Variants in CNTN6 observed in about 807,000 individuals in gnomAD.
The protein encoded by CNTN6 is contactin-6.
In CNTN6, 137 loss-of-function variants were observed where a neutral mutation model predicts 122.8. That is an observed-to-expected ratio of 1.12 (90% CI 0.97 to 1.29). CNTN6 has a LOEUF of 1.29. Among genes scored for constraint, CNTN6 ranks in the 50% most tolerant of loss-of-function variants. CNTN6 has a pLI of 0.00. For synonymous variants in CNTN6, 570 were observed against 426.0 expected (o/e 1.34, Z -4.16); for missense variants, 1,634 against 1,223.4 (o/e 1.34, Z -5.01).
chr3:1,277,380 G>A (rs1238747076), intron 4 of CNTN6, among the ~76,000 whole-genome samples: 1 of 36,612 alleles, frequency 2.7e-5, no homozygotes, highest in East Asian at 1.2e-3. Context: ...TTTTTTTTGA[G>A]ACCGATTCTG....
intron 2 of CNTN6, among the ~76,000 whole-genome samples, chr3:1,191,907 CT>C (rs1301806685): frequency 6.6e-6 from 1 of 152,162 alleles, no homozygotes; most frequent in Admixed American, 6.5e-5. Flanking sequence ...AGAATAACAG[CT>C]TTCTTTTACT....
chr3:1,340,494 C>T (rs774164801), intron 11 of CNTN6, among the ~76,000 whole-genome samples: 1 of 152,120 alleles, frequency 6.6e-6, no homozygotes, highest in Admixed American at 6.6e-5. Flanking sequence ...TTTAACGTAA[C>T]ATACAATGTA....
intron 5 of CNTN6, among the ~76,000 whole-genome samples, chr3:1,292,926 C>T (rs1695569054): frequency 6.6e-6 from 1 of 151,894 alleles, no homozygotes; most frequent in South Asian, 2.1e-4. Flanking sequence ...CACAAAGTTC[C>T]CACACTCATA....
chr3:1,174,815 C>G (rs1255379790), intron 2 of CNTN6, among the ~76,000 whole-genome samples: 1 of 152,186 alleles, frequency 6.6e-6, no homozygotes, highest in African/African-American at 2.4e-5. Context: ...CTGAACAAAG[C>G]TGACATTGCC....
At chr3:1,344,148 G>A (rs1226528354) in intron 11 of CNTN6, among the ~76,000 whole-genome samples, 3 of 152,088 alleles carry the variant, frequency 2.0e-5, no homozygotes, top group Non-Finnish European at 4.4e-5. Flanking sequence ...AGTGACTGGA[G>A]AAGGATGTGA....
At chr3:1,327,196 A>G (rs1183765883) in intron 9 of CNTN6, among the ~76,000 whole-genome samples, 1 of 151,906 alleles carries the variant, frequency 6.6e-6, no homozygotes, top group Non-Finnish European at 1.5e-5. Flanking sequence ...CAAATAACAG[A>G]AAGTTAACAT....
intron 12 of CNTN6, among the ~76,000 whole-genome samples, chr3:1,371,914 T>C (rs80238431): frequency 0.035 from 5,277 of 152,284 alleles, 123 homozygotes; most frequent in South Asian, 0.054. Flanking sequence ...TGTCTCATGG[T>C]ATATGAAGTT....
intron 2 of CNTN6, among the ~76,000 whole-genome samples, chr3:1,154,901 G>A (rs541437771): frequency 5.8e-4 from 89 of 152,214 alleles, no homozygotes; most frequent in Non-Finnish European, 5.9e-4. Context: ...TTGCATTAGA[G>A]TCACATTTTT....
chr3:1,329,985 T>C, intron 11 of CNTN6, 50 bp downstream of exon 11: 1 of 1,397,982 alleles, frequency 7.2e-7, no homozygotes, highest in Non-Finnish European at 9.4e-7. Context: ...ATATAACATC[T>C]TCCAAATTTT....
At chr3:1,374,869 T>C (rs1463125354) in intron 16 of CNTN6, among the ~76,000 whole-genome samples, 2 of 152,084 alleles carry the variant, frequency 1.3e-5, no homozygotes, top group Admixed American at 6.6e-5. Context: ...TATATGTTTA[T>C]CATAGAATTG....
intron 1 of CNTN6, among the ~76,000 whole-genome samples, chr3:1,115,001 T>G (rs963493315): frequency 3.9e-5 from 6 of 152,138 alleles, no homozygotes; most frequent in Non-Finnish European, 7.4e-5. Flanking sequence ...GACCTTCTTT[T>G]TCTCTCAACC....
chr3:1,157,653 C>A (rs760906043), intron 2 of CNTN6, among the ~76,000 whole-genome samples: 1 of 152,246 alleles, frequency 6.6e-6, no homozygotes, highest in Non-Finnish European at 1.5e-5. Context: ...CCCGCCGTCC[C>A]AGTTTCCTTC....
intron 4 of CNTN6, among the ~76,000 whole-genome samples, chr3:1,243,840 G>A: frequency 6.6e-6 from 1 of 152,060 alleles, no homozygotes; most frequent in East Asian, 1.9e-4. Flanking sequence ...AGCTTGGGGA[G>A]GACGGGAAAG....
chr3:1,273,877 CAGT>C (rs1393752499), intron 4 of CNTN6, among the ~76,000 whole-genome samples: 3 of 152,156 alleles, frequency 2.0e-5, no homozygotes, highest in Non-Finnish European at 4.4e-5. Flanking sequence ...TTCTTATCAG[CAGT>C]GTCTTATAAT....
intron 3 of CNTN6, among the ~76,000 whole-genome samples, chr3:1,226,235 A>T (rs1575317075): frequency 6.6e-6 from 1 of 152,116 alleles, no homozygotes; most frequent in East Asian, 1.9e-4. Flanking sequence ...CTCCCACCAA[A>T]ATATTTTTAA....
rs756162451 is a variant in CNTN6 at position 1,401,429 on chromosome 3, A to C, written c.2705-4A>C. 6.2e-7 allele frequency: 1 copy of C among 1,609,706 alleles called. No individual in the cohort carries two copies. The highest frequency in any genetic ancestry group is 1.1e-5 in the South Asian group (1 of 90,856). The stretch of plus-strand genomic sequence containing the variant: ...CATTTGGATCTTTGATTATCTCTTT[A>C]AAGCTCCAAGCCAACCACCAGCAAA... On this transcript the variant is annotated splice_region_variant and splice_polypyrimidine_tract_variant and intron_variant, in intron 20 of 22. Coordinates refer to ENST00000446702, the MANE Select transcript of CNTN6 (RefSeq NM_001289080.2).
At chr3:1,371,477 G>A (rs550462599) in intron 12 of CNTN6, among the ~76,000 whole-genome samples, 1 of 151,776 alleles carries the variant, frequency 6.6e-6, no homozygotes, top group African/African-American at 2.4e-5. Context: ...ATATTGAGTT[G>A]CTCTTTGATG....
At chr3:1,241,948 G>A (rs61406297) in intron 4 of CNTN6, among the ~76,000 whole-genome samples, 32 of 152,320 alleles carry the variant, frequency 2.1e-4, no homozygotes, top group East Asian at 1.2e-3. Flanking sequence ...GGACAGAAAG[G>A]CTACAGGGTG....
chr3:1,360,364 T>C (rs556022215), intron 12 of CNTN6, among the ~76,000 whole-genome samples: 1 of 152,106 alleles, frequency 6.6e-6, no homozygotes, highest in Non-Finnish European at 1.5e-5. Flanking sequence ...ACTATTACAC[T>C]GGGCATTTGG....
Sources: allele counts gnomAD v4.1 joint callset (sites outside exome capture counted in the v4.1 genomes callset), GRCh38; gene constraint gnomAD v4.1.1; transcripts MANE v1.5; gene names NCBI Gene and HGNC (gene_info 2026-07-23, HGNC 2026-07-21).